Variants in B4GALT7 observed in about 807,000 individuals in gnomAD.
The protein encoded by B4GALT7 is beta-1,4-galactosyltransferase 7, also known as UDP-Gal:beta-GlcNAc beta-1,4-galactosyltransferase 7.
A neutral mutation model predicts 33.0 loss-of-function variants in B4GALT7; 30 were observed. The ratio of observed to expected loss-of-function variants is 0.91; its 90% CI spans 0.68 to 1.23. The LOEUF (loss-of-function observed/expected upper bound fraction) is 1.23. Among genes scored for constraint, B4GALT7 ranks in the 50% most tolerant of loss-of-function variants. The pLI is 0.00. For synonymous variants in B4GALT7, 213 were observed against 187.2 expected (o/e 1.14, Z -1.13); for missense variants, 507 against 450.8 (o/e 1.12, Z -1.13).
rs1366319631 is a variant in B4GALT7, at chr5:177,608,928, A to G, written c.742A>G (p.Ile248Val). 5 of 1,613,668 alleles carry G rather than the reference A, an allele frequency of 3.1e-6. No homozygotes were observed. The highest frequency in any genetic ancestry group is 1.7e-5 in the Admixed American group (1 of 60,010). ...AGLQLFRPSGITTGYKTFRHL... is the reference protein window; with the variant it reads ...AGLQLFRPSGVTTGYKTFRHL... ...TCCCTAGCTTTTCCGCCCCTCGGGAATCACAACTGGGTACAAGACATTTCG... is the reference window on the plus strand; with the variant it reads ...TCCCTAGCTTTTCCGCCCCTCGGGAGTCACAACTGGGTACAAGACATTTCG... The change falls in exon 5 of 6, where the codon ATC (isoleucine) becomes GTC (valine). Residue 248 changes from isoleucine (I) to valine (V), a missense_variant. Ile to Val is a conservative substitution (Grantham distance 29). Coordinates refer to ENST00000029410, the MANE Select transcript of B4GALT7 (RefSeq NM_007255.3). The surrounding 1 kb of genome is among the most constrained non-coding windows in gnomAD (Gnocchi z 4.1).
chr5:177,603,268 G>T, intron 1 of B4GALT7: 1 of 985,324 alleles, frequency 1.0e-6, no homozygotes, highest in Non-Finnish European at 1.2e-6. Context: ...TTGGGGAGAA[G>T]GTAGGGGGAG....
At chr5:177,605,019 C>T in intron 2 of B4GALT7, 1 of 455,894 alleles carries the variant, frequency 2.2e-6, no homozygotes, top group Non-Finnish European at 4.4e-6. Flanking sequence ...ATCTCACCCA[C>T]CAGCCCCCAC....
rs1767913153 is a variant in B4GALT7 at position 177,604,177 on chromosome 5, A to G, written c.51-2A>G. ...CCTGACCCTGTCCCGCGCTTGCTCC[A>G]GGTCCGGGTTGCTCTCCGGCGGCCT... On this transcript the variant is annotated splice_acceptor_variant, in intron 1 of 5. Transcript: ENST00000029410. LOFTEE classifies it high-confidence loss of function. 1.9e-6 allele frequency: 3 copies of G among 1,613,338 alleles called. No homozygotes were observed. Among genetic ancestry groups the G allele is most frequent in the Non-Finnish European group, 2.5e-6 (3 of 1,179,932 alleles).
At position 177,606,925 on chromosome 5, in the gene B4GALT7, G is replaced by A. The variant is rs761645848; in HGVS notation, c.414-377G>A. On this transcript the variant is annotated intron_variant, in intron 2 of 5. Transcript: ENST00000029410. This position sits in a 1 kb window ranked among gnomAD's most constrained non-coding sequence, Gnocchi z 4.2. ...CTCAGTTCCCCTGGCCCTCCCTGAC[G>A]GCCCCACCGAGGACAAGAGCCACCT... 94 of 361,328 alleles carry A rather than the reference G, an allele frequency of 2.6e-4. No homozygotes were observed. Among genetic ancestry groups the A allele is most frequent in the African/African-American group, 1.7e-3 (81 of 47,378 alleles). The allele number at this position is 361,328 out of a possible 1,614,324, so 22.4% of individuals were successfully genotyped here.
At chr5:177,605,027 C>T (rs941969993) in intron 2 of B4GALT7, 44 of 455,980 alleles carry the variant, frequency 9.6e-5, no homozygotes, top group Admixed American at 8.5e-4. Flanking sequence ...CACCAGCCCC[C>T]ACCTCCTTTC....
intron 1 of B4GALT7, 24 bp from the exon 2 acceptor site, chr5:177,604,155 G>C: frequency 6.2e-7 from 1 of 1,613,050 alleles, no homozygotes; most frequent in Non-Finnish European, 8.5e-7. Flanking sequence ...CCGCCCTCCT[G>C]ACCCTGTCCC....
chr5:177,604,650 A>AC, intron 2 of B4GALT7, 109 bp downstream of exon 2: 1 of 1,428,786 alleles, frequency 7.0e-7, no homozygotes, highest in Non-Finnish European at 9.7e-7. Flanking sequence ...GAGGTGGCAG[A>AC]CCCCTCTCAC....
At chr5:177,605,802 C>G (rs1411061752) in intron 2 of B4GALT7, 1 of 153,106 alleles carries the variant, frequency 6.5e-6, no homozygotes, top group Admixed American at 6.5e-5. Flanking sequence ...TCTCTGCTTT[C>G]TGGCAGACCT....
intron 1 of B4GALT7, among the ~76,000 whole-genome samples, chr5:177,601,202 A>G (rs1396789275): frequency 2.0e-5 from 3 of 151,892 alleles, no homozygotes; most frequent in Non-Finnish European, 4.4e-5. Flanking sequence ...ACAGGAATAT[A>G]ATAGAAAGCG....
chr5:177,604,221 C>T lies in B4GALT7; in HGVS notation c.93C>T (p.Val31=). ...LSGGLPRKCS[V]FHLFVACLSL... is the part of the protein sequence containing the mutation. ...GCGGCCTCCCTCGGAAGTGTTCCGT[C>T]TTCCACCTGTTCGTGGCCTGCCTCT... Residue 31 remains valine (V), a synonymous_variant, in exon 2 of 6, where the codon GTC becomes GTT. Coordinates refer to ENST00000029410, the MANE Select transcript of B4GALT7 (RefSeq NM_007255.3). 1 of 1,613,784 alleles carries T rather than the reference C, an allele frequency of 6.2e-7. No homozygotes were observed. Among genetic ancestry groups the T allele is most frequent in the Non-Finnish European group, 8.5e-7 (1 of 1,179,954 alleles).
rs1408921146 is a variant in B4GALT7 at position 177,606,139 on chromosome 5, T to TC, written c.414-1161dup. 6.6e-6 allele frequency: 1 copy of TC among 152,182 alleles called. No homozygotes were observed. Among genetic ancestry groups the TC allele is most frequent in the African/African-American group, 2.4e-5 (1 of 41,420 alleles). 9.4% of individuals were successfully genotyped at this position (152,182 alleles called of 1,614,324 possible). On this transcript the variant is annotated intron_variant, in intron 2 of 5. Transcript: ENST00000029410. This position sits in a 1 kb window ranked among gnomAD's most constrained non-coding sequence, Gnocchi z 4.2. ...GCCCCCCTTTTTTAACTCCAGGTGT[T>TC]CCTTGGGGCATCTCATGTCATCTCC... is the stretch of plus-strand genomic sequence containing the variant.
chr5:177,604,647 C>T, intron 2 of B4GALT7, 106 bp downstream of exon 2: 3 of 1,458,686 alleles, frequency 2.1e-6, no homozygotes, highest in Non-Finnish European at 2.8e-6. Context: ...CGGGAGGTGG[C>T]AGACCCCTCT....
chr5:177,609,876 G>A lies in B4GALT7; in HGVS notation c.*181G>A. 1 of 744,920 alleles carries A rather than the reference G, an allele frequency of 1.3e-6. No homozygotes were observed. The highest frequency in any genetic ancestry group is 2.2e-6 in the Non-Finnish European group (1 of 450,840). The allele number at this position is 744,920 out of a possible 1,614,324, so 46.1% of individuals were successfully genotyped here. A position where few individuals can be genotyped will look rare whatever the true frequency, so the allele number is the denominator to read the frequency against. ...CTTGGGCTGGGCCAGGACACGTGGGGTGCCTGGGACGCTGCTTGCCATGCA... is the reference window on the plus strand; with the variant it reads ...CTTGGGCTGGGCCAGGACACGTGGGATGCCTGGGACGCTGCTTGCCATGCA... On this transcript the variant is annotated 3_prime_UTR_variant, in exon 6 of 6. Transcript: ENST00000029410.
chr5:177,603,069 G>T (rs1400075328), intron 1 of B4GALT7: 1 of 386,234 alleles, frequency 2.6e-6, no homozygotes, highest in Non-Finnish European at 3.5e-6. Context: ...TTTTAGTAGA[G>T]ATGGGGTGTT....
intron 1 of B4GALT7, chr5:177,603,348 A>G (rs1689559638): frequency 3.0e-6 from 3 of 985,390 alleles, no homozygotes; most frequent in Non-Finnish European, 3.6e-6. Flanking sequence ...CTTCCAGAGG[A>G]GCGGCAAAGG....
At chr5:177,607,057 A>G in intron 2 of B4GALT7, 5 of 586,046 alleles carry the variant, frequency 8.5e-6, no homozygotes, top group Admixed American at 2.8e-5. Context: ...TTCTATTGGA[A>G]TCTCAGTTCC....
Position 177,608,363 on chromosome 5 carries a change from A to C in B4GALT7, c.640-176A>C. Reference sequence around the variant, plus strand: ...AGGTTCAAGGCCCCGTGAGAACGGGAGAGGGCCCGGGACGCGCTGCTTCCT... The same window carrying C: ...AGGTTCAAGGCCCCGTGAGAACGGGCGAGGGCCCGGGACGCGCTGCTTCCT... On this transcript the variant is annotated intron_variant, in intron 3 of 5. Coordinates refer to ENST00000029410, the MANE Select transcript of B4GALT7 (RefSeq NM_007255.3). This position sits in a 1 kb window ranked among gnomAD's most constrained non-coding sequence, Gnocchi z 4.1. 1 of 613,052 alleles carries C rather than the reference A, an allele frequency of 1.6e-6. No homozygotes were observed. The highest frequency in any genetic ancestry group is 2.9e-6 in the Non-Finnish European group (1 of 344,206). The allele number at this position is 613,052 out of a possible 1,614,324, so 38.0% of individuals were successfully genotyped here. A position where few individuals can be genotyped will look rare whatever the true frequency, so the allele number is the denominator to read the frequency against.
Position 177,608,864 on chromosome 5 carries a change from G to A in B4GALT7, c.724-46G>A, listed in dbSNP as rs371481377. ...TCGGGAGCTGGTGGTGAGGGCTGGG[G>A]CTCCAGGAAGGGCAGCCTGACCCCG... On this transcript the variant is annotated intron_variant, in intron 4 of 5. Transcript: ENST00000029410. The surrounding 1 kb of genome is among the most constrained non-coding windows in gnomAD (Gnocchi z 4.1). 3.3e-6 allele frequency: 5 copies of A among 1,525,976 alleles called. No individual in the cohort carries two copies. The highest frequency in any genetic ancestry group is 4.5e-6 in the Non-Finnish European group (5 of 1,102,222). 94.5% of individuals were successfully genotyped at this position (1,525,976 alleles called of 1,614,324 possible).
chr5:177,607,719 G>A, intron 3 of B4GALT7, 192 bp downstream of exon 3: 2 of 625,346 alleles, frequency 3.2e-6, no homozygotes, highest in Middle Eastern at 4.3e-4. Flanking sequence ...CTGCTTGCAC[G>A]GGGGCTTCAG....
Sources: allele counts gnomAD v4.1 joint callset (sites outside exome capture counted in the v4.1 genomes callset), GRCh38; gene constraint gnomAD v4.1.1; non-coding constraint Gnocchi (gnomAD v3.1); transcripts MANE v1.5; gene names NCBI Gene and HGNC (gene_info 2026-07-23, HGNC 2026-07-21).